CLDN14: variants seen among roughly 807,000 people sequenced by gnomAD.
CLDN14 encodes the protein claudin 14, also known as claudin-14.
CLDN14 carries 2 observed loss-of-function variants against 2.1 expected under a neutral mutation model. The observed-to-expected ratio is 0.96, with a 90% CI of 0.39 to 3.01. The LOEUF is 3.01. Among genes scored for constraint, CLDN14 ranks in the 30% most tolerant of loss-of-function variants. The pLI is 0.09. For synonymous variants in CLDN14, 136 were observed against 154.4 expected, an observed-to-expected ratio of 0.88 and a Z score of 0.88; for missense variants, 298 against 328.0, an observed-to-expected ratio of 0.91 and a Z score of 0.71.
At chr21:36,481,948 C>T (rs2086848396), upstream of CLDN14, among the ~76,000 whole-genome samples, 1 of 152,214 alleles carries the variant, frequency 6.6e-6, no homozygotes, top group Admixed American at 6.5e-5. Context: ...CAGGCACACA[C>T]AGAGCGAGGG....
chr21:36,548,458 C>T (rs1217412129), intron 1 of CLDN14, among the ~76,000 whole-genome samples: 1 of 152,220 alleles, frequency 6.6e-6, no homozygotes, highest in Non-Finnish European at 1.5e-5. Flanking sequence ...GCCCCAGAGG[C>T]AGGCATCAAT....
intron 1 of CLDN14, among the ~76,000 whole-genome samples, chr21:36,552,744 T>G (rs1037350039): frequency 6.6e-6 from 1 of 152,000 alleles, no homozygotes; most frequent in Non-Finnish European, 1.5e-5. Flanking sequence ...AAAAACTCTC[T>G]ATTTTCTAGA....
intron 1 of CLDN14, among the ~76,000 whole-genome samples, chr21:36,522,065 T>C (rs916057573): frequency 1.3e-5 from 2 of 152,158 alleles, no homozygotes; most frequent in Non-Finnish European, 2.9e-5. Context: ...GGTCTGCAAC[T>C]CCAAGCAAAA....
chr21:36,463,544 T>C (rs2086606829), intron 1 of CLDN14, among the ~76,000 whole-genome samples: 1 of 152,126 alleles, frequency 6.6e-6, no homozygotes, highest in Non-Finnish European at 1.5e-5. Flanking sequence ...AAAACCTGCC[T>C]CTACTAAAAA....
At chr21:36,547,060 G>A (rs1032866135) in intron 1 of CLDN14, among the ~76,000 whole-genome samples, 1 of 152,168 alleles carries the variant, frequency 6.6e-6, no homozygotes, top group Non-Finnish European at 1.5e-5. Context: ...AAATGGCCAT[G>A]GTGCTGAGGT....
At chr21:36,507,124 T>TAA (rs61037603) in intron 2 of CLDN14, among the ~76,000 whole-genome samples, 8 of 142,382 alleles carry the variant, frequency 5.6e-5, no homozygotes, top group Admixed American at 2.1e-4. Context: ...TGCTCCCTCT[T>TAA]AAAAAAAAAA....
intron 1 of CLDN14, among the ~76,000 whole-genome samples, chr21:36,472,949 A>C (rs1189733122): frequency 6.6e-6 from 1 of 152,168 alleles, no homozygotes; most frequent in African/African-American, 2.4e-5. Context: ...GGAGAATGCA[A>C]ATGTTTAGTC....
intron 1 of CLDN14, among the ~76,000 whole-genome samples, chr21:36,466,989 G>C (rs142616983): frequency 1.8e-4 from 28 of 152,224 alleles, no homozygotes; most frequent in African/African-American, 6.7e-4. Flanking sequence ...AGTTTTGGTC[G>C]ACTTCATCCC....
intron 1 of CLDN14, among the ~76,000 whole-genome samples, chr21:36,513,905 C>A (rs370973792): frequency 2.6e-5 from 4 of 152,170 alleles, no homozygotes. Context: ...GACCTCCGCT[C>A]GCTGCAGCCT....
At chr21:36,506,753 T>C (rs75596449) in intron 2 of CLDN14, among the ~76,000 whole-genome samples, 1 of 152,136 alleles carries the variant, frequency 6.6e-6, no homozygotes, top group East Asian at 1.9e-4. Flanking sequence ...CACTCTTGTA[T>C]GTGGTCTGAC....
intron 1 of CLDN14, among the ~76,000 whole-genome samples, chr21:36,559,774 C>T (rs917525149): frequency 6.6e-6 from 1 of 152,204 alleles, no homozygotes; most frequent in African/African-American, 2.4e-5. Flanking sequence ...ATCCAAAACA[C>T]CACACAATCT....
At chr21:36,493,132 C>A (rs2086985315) in intron 2 of CLDN14, among the ~76,000 whole-genome samples, 1 of 152,100 alleles carries the variant, frequency 6.6e-6, no homozygotes, top group African/African-American at 2.4e-5. Flanking sequence ...TTTCTGCCCG[C>A]CCCCGGGGAG....
intron 1 of CLDN14, among the ~76,000 whole-genome samples, chr21:36,537,486 A>C (rs1257038419): frequency 6.6e-6 from 1 of 152,206 alleles, no homozygotes; most frequent in Non-Finnish European, 1.5e-5. Context: ...ATAGTAGATG[A>C]CGCTAGAGTT....
intron 1 of CLDN14, among the ~76,000 whole-genome samples, chr21:36,516,691 T>C (rs985707159): frequency 6.6e-6 from 1 of 152,252 alleles, no homozygotes; most frequent in Non-Finnish European, 1.5e-5. Flanking sequence ...TTTGCGCAAT[T>C]CCCAGTTTGG....
At chr21:36,461,819 T>A in intron 1 of CLDN14, 43 bp from the exon 2 acceptor site, 1 of 1,328,316 alleles carries the variant, frequency 7.5e-7, no homozygotes, top group Non-Finnish European at 1.0e-6. Context: ...AGAAAGGAAA[T>A]GGGTTAAAGA....
intron 1 of CLDN14, among the ~76,000 whole-genome samples, chr21:36,573,092 G>C (rs1013134197): frequency 3.9e-5 from 6 of 152,190 alleles, no homozygotes; most frequent in Non-Finnish European, 7.3e-5. Context: ...ACGAGGTCAG[G>C]AGATCGAGAC....
intron 1 of CLDN14, chr21:36,466,487 C>G (rs1404783569): frequency 6.6e-6 from 1 of 152,094 alleles, no homozygotes; most frequent in African/African-American, 2.4e-5. Context: ...AGGGTGAGGC[C>G]CCTTATAAAA....
rs1601632098 is a variant in CLDN14, at chr21:36,544,606, C to G, written c.-220+31805G>C. On this transcript the variant is annotated intron_variant, in intron 1 of 2. Coordinates refer to the CLDN14 transcript ENST00000342108. The surrounding 1 kb of genome is among the most constrained non-coding windows in gnomAD (Gnocchi z 4.1). The stretch of plus-strand genomic sequence containing the variant: ...CCAGAGCACACTCACTCTCAGACGC[C>G]CAGGGAGCTAAGCAAAATTTCTCTG... 1.3e-5 allele frequency among the ~76,000 whole-genome samples: 2 copies of G among 152,282 alleles called. No individual in the cohort carries two copies. Among genetic ancestry groups the G allele is most frequent in the South Asian group, 2.1e-4 (1 of 4,822 alleles).
At chr21:36,489,131 A>AAAAAAAAAAAAAAAAAAT in intron 2 of CLDN14, among the ~76,000 whole-genome samples, 1 of 62,738 alleles carries the variant, frequency 1.6e-5, no homozygotes, top group Non-Finnish European at 3.0e-5. Flanking sequence ...AAAAAAAAAA[A>AAAAAAAAAAAAAAAAAAT]ATATATATAT....
Sources: gnomAD v4.1 joint callset for allele counts (sites outside exome capture counted in the v4.1 genomes callset) on GRCh38, gnomAD v4.1.1 for gene constraint, Gnocchi (gnomAD v3.1) non-coding constraint, MANE v1.5 for transcripts, NCBI Gene and HGNC (gene_info 2026-07-23, HGNC 2026-07-21) for gene names.